The following ATP10B variants were observed in gnomAD, a reference collection of about 807,000 sequenced individuals.
ATP10B encodes ATPase phospholipid transporting 10B (putative).
ATP10B carries 122 observed loss-of-function variants against 141.2 expected under a neutral mutation model. The ratio of observed to expected loss-of-function variants is 0.86; its 90% confidence interval spans 0.75 to 1.00. The LOEUF is 1.00. Among genes scored for constraint, ATP10B ranks in the 50% least tolerant of loss-of-function variants. The pLI is 0.00. For synonymous variants in ATP10B, 685 were observed against 692.0 expected (o/e 0.99, Z 0.16); for missense variants, 1,876 against 1,825.3 (o/e 1.03, Z -0.51).
chr5:160,621,417 T>TGCCAGCTGAAGCTCCCA (rs886617938), intron 14 of ATP10B, among the ~76,000 whole-genome samples: 42 of 152,334 alleles, frequency 2.8e-4, no homozygotes, highest in African/African-American at 9.1e-4. Flanking sequence ...TTGAGCTACC[T>TGCCAGCTGAAGCTCCCA]GCCAGCTGAA....
chr5:160,787,995 G>A (rs910482467), intron 1 of ATP10B, among the ~76,000 whole-genome samples: 3 of 152,202 alleles, frequency 2.0e-5, no homozygotes, highest in Non-Finnish European at 4.4e-5. Flanking sequence ...GTGATGGTTA[G>A]ATGGGGTAAA....
At chr5:160,794,447 C>T (rs976651706) in intron 1 of ATP10B, among the ~76,000 whole-genome samples, 1 of 152,132 alleles carries the variant, frequency 6.6e-6, no homozygotes, top group Non-Finnish European at 1.5e-5. Context: ...AGTGAAGTCA[C>T]TTGACTTAAA....
At chr5:160,596,974 T>C (rs1756740671) in intron 22 of ATP10B, among the ~76,000 whole-genome samples, 1 of 152,140 alleles carries the variant, frequency 6.6e-6, no homozygotes, top group Non-Finnish European at 1.5e-5. Flanking sequence ...CTGCCCAAGG[T>C]AATTTATAGA....
chr5:160,723,999 T>C (rs1448555926), intron 2 of ATP10B, among the ~76,000 whole-genome samples: 1 of 152,198 alleles, frequency 6.6e-6, no homozygotes, highest in Non-Finnish European at 1.5e-5. Context: ...ATGGAGCCAT[T>C]ATCCTTGGCA....
intron 6 of ATP10B, among the ~76,000 whole-genome samples, chr5:160,673,981 T>C (rs954273509): frequency 3.9e-5 from 6 of 152,222 alleles, no homozygotes; most frequent in Non-Finnish European, 7.3e-5. Flanking sequence ...GAACAAAGAA[T>C]GTATCACTCA....
chr5:160,765,481 A>T (rs541124552), intron 2 of ATP10B, among the ~76,000 whole-genome samples: 4 of 152,320 alleles, frequency 2.6e-5, no homozygotes, highest in African/African-American at 9.6e-5. Context: ...ACCCTATTCA[A>T]CAAATGGTAC....
chr5:160,632,173 GC>G lies in ATP10B; in HGVS notation c.1575del (p.His526ThrfsTer15), dbSNP rs1758980076. 1 of 1,614,036 alleles carries G rather than the reference GC, an allele frequency of 6.2e-7. No homozygotes were observed. Among genetic ancestry groups the G allele is most frequent in the African/African-American group, 1.3e-5 (1 of 74,934 alleles). On this transcript the variant is annotated frameshift_variant, in exon 13 of 26. Transcript: ENST00000327245. LOFTEE classifies it high-confidence loss of function. ...IQGHYRQRSM[G>X]HRESSQPPVA... ...ACAGGAGGCTGTGAGCTTTCACGGT[GC>G]CCCATAGACCTTTGCCGGTAGTGGC...
chr5:160,573,288 A>G (rs1429633947), intron 24 of ATP10B, among the ~76,000 whole-genome samples: 3 of 152,226 alleles, frequency 2.0e-5, no homozygotes, highest in African/African-American at 7.2e-5. Flanking sequence ...CCTGAACCAG[A>G]TGCTGAATCA....
the ATP10B span, among the ~76,000 whole-genome samples, chr5:160,889,577 C>G: frequency 3.9e-5 from 6 of 152,164 alleles, no homozygotes; most frequent in African/African-American, 9.7e-5. Context: ...CTTTGAGCAC[C>G]TAGTGCACGC....
chr5:160,813,108 T>A (rs1323004738), intron 1 of ATP10B, among the ~76,000 whole-genome samples: 1 of 152,212 alleles, frequency 6.6e-6, no homozygotes, highest in African/African-American at 2.4e-5. Context: ...ACCAGGTTCA[T>A]CTCACTGGGG....
chr5:160,567,956 C>T (rs1261928838), intron 25 of ATP10B, among the ~76,000 whole-genome samples: 2 of 152,050 alleles, frequency 1.3e-5, no homozygotes, highest in South Asian at 2.1e-4. Flanking sequence ...TTGAGAAATA[C>T]GTAGTGGATA....
intron 7 of ATP10B, among the ~76,000 whole-genome samples, chr5:160,659,819 T>C (rs185404804): frequency 6.6e-6 from 1 of 152,324 alleles, no homozygotes; most frequent in Non-Finnish European, 1.5e-5. Flanking sequence ...AAAATTATAT[T>C]CATTTGAGAA....
chr5:160,833,883 A>T lies in ATP10B; in HGVS notation c.-576+18058T>A, dbSNP rs150616969. ...TTCATGCAAAATAGTTAAATTATAAATTAAATACTTTAGAGGGAAACCTCA... is the reference window on the plus strand; with the variant it reads ...TTCATGCAAAATAGTTAAATTATAATTTAAATACTTTAGAGGGAAACCTCA... On this transcript the variant is annotated intron_variant, in intron 1 of 25. Coordinates refer to ENST00000327245, the MANE Select transcript of ATP10B (RefSeq NM_025153.3). 6.0e-3 allele frequency among the ~76,000 whole-genome samples: 915 copies of T among 152,296 alleles called. 13 individuals carry two copies. Among genetic ancestry groups the T allele is most frequent in the African/African-American group, 0.021 (871 of 41,566 alleles).
upstream of ATP10B, among the ~76,000 whole-genome samples, chr5:160,852,616 G>T (rs1050563428): frequency 2.0e-5 from 3 of 152,116 alleles, no homozygotes; most frequent in Non-Finnish European, 2.9e-5. Context: ...AGTTTTTATT[G>T]ATTACTGTTT....
intron 1 of ATP10B, among the ~76,000 whole-genome samples, chr5:160,841,221 G>A (rs1305460519): frequency 6.6e-6 from 1 of 152,118 alleles, no homozygotes; most frequent in Non-Finnish European, 1.5e-5. Context: ...GGAATACAAT[G>A]CAGTTGTAAA....
At chr5:160,837,085 C>G (rs1463646802) in intron 1 of ATP10B, among the ~76,000 whole-genome samples, 3 of 152,120 alleles carry the variant, frequency 2.0e-5, no homozygotes, top group African/African-American at 7.2e-5. Flanking sequence ...CAAAGTCTTC[C>G]ACCTCATCAG....
intron 8 of ATP10B, among the ~76,000 whole-genome samples, chr5:160,647,499 C>G (rs962197576): frequency 6.6e-6 from 1 of 152,126 alleles, no homozygotes; most frequent in African/African-American, 2.4e-5. Flanking sequence ...CTGAGTGAAG[C>G]TGGGAGAGTT....
At chr5:160,873,933 T>G in the ATP10B span, among the ~76,000 whole-genome samples, 2 of 152,208 alleles carry the variant, frequency 1.3e-5, no homozygotes, top group Admixed American at 6.5e-5. Context: ...GAGATCAAAC[T>G]GCAAGGCGGC....
chr5:160,842,827 A>C (rs188943550), intron 1 of ATP10B, among the ~76,000 whole-genome samples: 81 of 151,318 alleles, frequency 5.4e-4, no homozygotes, highest in Middle Eastern at 3.4e-3. Context: ...CACACACACA[A>C]AAATCAGGGC....
Sources: gnomAD v4.1 joint callset for allele counts (sites outside exome capture counted in the v4.1 genomes callset) on GRCh38, gnomAD v4.1.1 for gene constraint, MANE v1.5 for transcripts, NCBI Gene and HGNC (gene_info 2026-07-23, HGNC 2026-07-21) for gene names.